ADGRL2: variants seen among roughly 807,000 people sequenced by gnomAD.
ADGRL2 encodes the protein calcium-independent alpha-latrotoxin receptor 2.
A neutral mutation model predicts 157.4 loss-of-function variants in ADGRL2; 44 were observed. The ratio of observed to expected loss-of-function variants is 0.28; its 90% CI spans 0.22 to 0.36. The LOEUF is 0.36. Among genes scored for constraint, ADGRL2 ranks in the 10% least tolerant of loss-of-function variants. ADGRL2 has a pLI of 1.00. For synonymous variants in ADGRL2, 585 were observed against 624.7 expected (o/e 0.94, Z 0.95); for missense variants, 1,510 against 1,768.9 (o/e 0.85, Z 2.63).
intron 2 of ADGRL2, among the ~76,000 whole-genome samples, chr1:81,545,064 A>C (rs2079980591): frequency 6.6e-6 from 1 of 152,128 alleles, no homozygotes; most frequent in African/African-American, 2.4e-5. Flanking sequence ...GTCTTCTTAC[A>C]CACTCTGACC....
At chr1:81,441,097 T>C (rs1304337993) in intron 1 of ADGRL2, among the ~76,000 whole-genome samples, 1 of 152,212 alleles carries the variant, frequency 6.6e-6, no homozygotes, top group Non-Finnish European at 1.5e-5. Flanking sequence ...CAGAGACTTT[T>C]ACCCACTAGT....
At position 81,943,218 on chromosome 1, in the gene ADGRL2, A is replaced by G. The variant is rs1648683989; in HGVS notation, c.659A>G (p.Asp220Gly). ...RVDGTGFVVY[D>G]GAVFFNKERT... is the part of the protein sequence containing the mutation. The stretch of plus-strand genomic sequence containing the variant: ...GATGGTACTGGATTTGTGGTGTATG[A>G]TGGTGCTGTCTTCTTTAACAAAGAA... Residue 220 changes from aspartate to glycine, a missense_variant, in exon 6 of 24, where the codon GAT (aspartate) becomes GGT (glycine). Physicochemically the swap from Asp to Gly is moderately conservative, Grantham distance 94 (BLOSUM62 -1). Transcript: ENST00000686636. The surrounding 1 kb of genome is among the most constrained non-coding windows in gnomAD (Gnocchi z 5.6). 1 of 1,613,488 alleles carries G rather than the reference A, an allele frequency of 6.2e-7. No individual in the cohort carries two copies. The highest frequency in any genetic ancestry group is 1.3e-5 in the African/African-American group (1 of 74,888).
At chr1:81,548,249 G>A (rs900556116) in intron 2 of ADGRL2, among the ~76,000 whole-genome samples, 12 of 151,744 alleles carry the variant, frequency 7.9e-5, no homozygotes, top group Non-Finnish European at 1.3e-4. Flanking sequence ...TCTTTTTAAT[G>A]CTAATCACAA....
intron 1 of ADGRL2, among the ~76,000 whole-genome samples, chr1:81,342,484 T>C (rs939317125): frequency 6.6e-6 from 1 of 152,180 alleles, no homozygotes; most frequent in Admixed American, 6.5e-5. Context: ...ATCACTATGA[T>C]TCTTGGGTCA....
At chr1:81,599,635 AT>A (rs2081299287) in intron 3 of ADGRL2, among the ~76,000 whole-genome samples, 1 of 152,226 alleles carries the variant, frequency 6.6e-6, no homozygotes, top group Admixed American at 6.5e-5. Flanking sequence ...TAAAATCAAC[AT>A]AATAATTCAT....
intron 1 of ADGRL2, among the ~76,000 whole-genome samples, chr1:81,412,471 T>A (rs1185776100): frequency 6.6e-6 from 1 of 152,200 alleles, no homozygotes; most frequent in Non-Finnish European, 1.5e-5. Context: ...CAGATCCACC[T>A]CTCTAACTTA....
At chr1:81,644,241 A>G (rs577712563) in intron 3 of ADGRL2, among the ~76,000 whole-genome samples, 1 of 152,340 alleles carries the variant, frequency 6.6e-6, no homozygotes, top group South Asian at 2.1e-4. Context: ...ATCAATCTAA[A>G]TGTAAACCAC....
At chr1:81,855,931 C>G (rs2093186843) in intron 2 of ADGRL2, among the ~76,000 whole-genome samples, 1 of 152,066 alleles carries the variant, frequency 6.6e-6, no homozygotes, top group Non-Finnish European at 1.5e-5. Flanking sequence ...GGCAATTTGG[C>G]AGATCGCTGA....
intron 2 of ADGRL2, among the ~76,000 whole-genome samples, chr1:81,791,066 C>CAAA (rs11411906): frequency 0.04 from 1,509 of 37,418 alleles, 276 homozygotes; most frequent in Middle Eastern, 0.059. Flanking sequence ...GACCCTATCT[C>CAAA]AAAAAAAAAA....
At chr1:81,493,263 G>T (rs1038363910) in intron 2 of ADGRL2, among the ~76,000 whole-genome samples, 13 of 152,202 alleles carry the variant, frequency 8.5e-5, no homozygotes, top group Non-Finnish European at 1.6e-4. Context: ...TGCAATGTGA[G>T]GTTGCCCTGC....
At chr1:81,345,002 T>C (rs913731099) in intron 1 of ADGRL2, among the ~76,000 whole-genome samples, 4 of 152,150 alleles carry the variant, frequency 2.6e-5, no homozygotes, top group South Asian at 2.1e-4. Context: ...TTATAAAAAC[T>C]GGTCATGAAT....
At chr1:81,307,275 G>A (rs1659408565) in intron 1 of ADGRL2, among the ~76,000 whole-genome samples, 2 of 152,222 alleles carry the variant, frequency 1.3e-5, no homozygotes, top group Admixed American at 6.5e-5. Flanking sequence ...AAAAATGCAT[G>A]TAAGAGTCTA....
chr1:81,374,020 G>A (rs532901612), intron 1 of ADGRL2, among the ~76,000 whole-genome samples: 6 of 152,240 alleles, frequency 3.9e-5, no homozygotes, highest in Non-Finnish European at 8.8e-5. Context: ...AGGCAGATAA[G>A]CAGCAATAGA....
chr1:81,938,457 T>C (rs1386077452), intron 4 of ADGRL2, among the ~76,000 whole-genome samples: 1 of 151,806 alleles, frequency 6.6e-6, no homozygotes, highest in Non-Finnish European at 1.5e-5. Flanking sequence ...AAAATGTGGA[T>C]ATCTTCTGGA....
At chr1:81,594,633 G>A (rs1162628162) in intron 3 of ADGRL2, among the ~76,000 whole-genome samples, 2 of 152,154 alleles carry the variant, frequency 1.3e-5, no homozygotes, top group Non-Finnish European at 2.9e-5. Flanking sequence ...TCACAACGTA[G>A]TTAGAATTCT....
chr1:81,697,180 T>C (rs1296244808), upstream of ADGRL2, among the ~76,000 whole-genome samples: 2 of 152,206 alleles, frequency 1.3e-5, no homozygotes, highest in Non-Finnish European at 2.9e-5. Flanking sequence ...GGGGTTCAAA[T>C]TGAAGCCCTG....
At chr1:81,672,918 T>C (rs2082905105) in intron 3 of ADGRL2, among the ~76,000 whole-genome samples, 1 of 152,244 alleles carries the variant, frequency 6.6e-6, no homozygotes, top group Non-Finnish European at 1.5e-5. Context: ...GAAAGTTGAT[T>C]ACACATTTTA....
chr1:81,964,924 T>C (rs1437844163), intron 11 of ADGRL2, among the ~76,000 whole-genome samples: 1 of 152,188 alleles, frequency 6.6e-6, no homozygotes, highest in East Asian at 1.9e-4. Context: ...TTAACTCCTG[T>C]AAAGGCAATG....
intron 2 of ADGRL2, among the ~76,000 whole-genome samples, chr1:81,857,392 A>G (rs138766284): frequency 4.5e-4 from 68 of 152,332 alleles, no homozygotes; most frequent in Middle Eastern, 3.4e-3. Flanking sequence ...TTATAAATGT[A>G]TAAGCACTGT....
Sources: gnomAD v4.1 joint callset for allele counts (sites outside exome capture counted in the v4.1 genomes callset) on GRCh38, gnomAD v4.1.1 for gene constraint, Gnocchi (gnomAD v3.1) non-coding constraint, MANE v1.5 for transcripts, NCBI Gene and HGNC (gene_info 2026-07-23, HGNC 2026-07-21) for gene names.